The following WDR55 variants were observed in gnomAD, a reference collection of about 807,000 sequenced individuals.
WDR55 encodes WD repeat domain 55, also known as WD repeat-containing protein 55.
A neutral mutation model predicts 34.0 loss-of-function variants in WDR55; 31 were observed. The ratio of observed to expected loss-of-function variants is 0.91; its 90% CI spans 0.69 to 1.23. The LOEUF (loss-of-function observed/expected upper bound fraction) is 1.23. Among genes scored for constraint, WDR55 ranks in the 50% most tolerant of loss-of-function variants. The pLI is 0.00. For synonymous variants in WDR55, 164 were observed against 185.9 expected (o/e 0.88, Z 0.96); for missense variants, 440 against 494.6 (o/e 0.89, Z 1.05).
chr5:140,671,632 G>A lies in WDR55; in HGVS notation c.*1978G>A, dbSNP rs763672102. 4 of 1,576,620 alleles carry A rather than the reference G, an allele frequency of 2.5e-6. No homozygotes were observed. The South Asian group carries it at 4.6e-5, about 18-fold the overall frequency. On this transcript the variant is annotated 3_prime_UTR_variant, in exon 7 of 7. Coordinates refer to ENST00000358337, the MANE Select transcript of WDR55 (RefSeq NM_017706.5). ...ACTTGTCCCTTGCCAAAGCCAACTGGCTGCCCTCTGGCTGTGGGGACCGCA... is the reference window on the plus strand; with the variant it reads ...ACTTGTCCCTTGCCAAAGCCAACTGACTGCCCTCTGGCTGTGGGGACCGCA...
At chr5:140,665,655 A>T (rs1757903812) in intron 1 of WDR55, among the ~76,000 whole-genome samples, 1 of 151,578 alleles carries the variant, frequency 6.6e-6, no homozygotes. Context: ...CCGTGCCCGG[A>T]CTCCTACCGG....
chr5:140,664,997 C>G lies in WDR55; in HGVS notation c.85C>G (p.Arg29Gly), dbSNP rs768137434. The stretch of plus-strand genomic sequence containing the variant: ...CTCCATGGAAGCCCCAACCCGGATC[C>G]GGGACACTCCGGAAGACATCGTGCT... ...PDSMEAPTRI[R>G]DTPEDIVLEA... The change falls in exon 1 of 7, where the codon CGG becomes GGG. Residue 29 changes from arginine to glycine, a missense_variant. Arg to Gly is a moderately radical substitution (Grantham distance 125). Transcript: ENST00000358337. 1 of 1,613,832 alleles carries G rather than the reference C, an allele frequency of 6.2e-7. No individual in the cohort carries two copies. The highest frequency in any genetic ancestry group is 1.1e-5 in the South Asian group (1 of 91,024).
At position 140,671,224 on chromosome 5, in the gene WDR55, GC is replaced by G. The variant is rs1758064689; in HGVS notation, c.*1572del. The stretch of plus-strand genomic sequence containing the variant: ...TGGGGGTCAGAAAGTGGCCACCCAG[GC>G]CTGCTGGGATGGGGCCTGACACAGG... On this transcript the variant is annotated 3_prime_UTR_variant, in exon 7 of 7. Coordinates refer to ENST00000358337, the MANE Select transcript of WDR55 (RefSeq NM_017706.5). The G allele has an allele frequency of 6.2e-7, 1 of 1,600,900 alleles. No individual in the cohort carries two copies.
intron 1 of WDR55, chr5:140,667,304 G>C (rs928424000): frequency 3.4e-6 from 1 of 293,728 alleles, no homozygotes; most frequent in Non-Finnish European, 5.1e-6. Flanking sequence ...TTCCTTTTCC[G>C]AGGATTAAAT....
At position 140,670,345 on chromosome 5, in the gene WDR55, AT is replaced by A. The variant is rs1278137395; in HGVS notation, c.*711del. The A allele has an allele frequency of 0.018, 2,363 of 131,588 alleles. 16 individuals carry two copies. The highest frequency in any genetic ancestry group is 0.025 in the Non-Finnish European group (1,521 of 62,042). 8.2% of individuals were successfully genotyped at this position (131,588 alleles called of 1,614,324 possible). On this transcript the variant is annotated 3_prime_UTR_variant, in exon 7 of 7. Coordinates refer to ENST00000358337, the MANE Select transcript of WDR55 (RefSeq NM_017706.5). Reference sequence around the variant, plus strand: ...GCCACTGTGCCTGGCTGGATATGAAATTTTTTTTTTTTTTTTTTTTGAGACA... The same window carrying A: ...GCCACTGTGCCTGGCTGGATATGAAATTTTTTTTTTTTTTTTTTTGAGACA...
At chr5:140,666,867 T>C (rs1757937301) in intron 1 of WDR55, 1 of 960,100 alleles carries the variant, frequency 1.0e-6, no homozygotes, top group Non-Finnish European at 1.2e-6. Context: ...CTCCAACCTC[T>C]AGTCTAGGGT....
At position 140,664,925 on chromosome 5, in the gene WDR55, T is replaced by C. The variant is rs746803373; in HGVS notation, c.13T>C (p.Cys5Arg). 1.9e-6 allele frequency: 3 copies of C among 1,605,578 alleles called. No homozygotes were observed. The highest frequency in any genetic ancestry group is 2.6e-6 in the Non-Finnish European group (3 of 1,176,370). Residue 5 changes from cysteine (C) to arginine (R), a missense_variant, in exon 1 of 7, where the codon TGT (cysteine) becomes CGT (arginine). Transcript: ENST00000358337. ...AGTCCTTCTCAGCATGGACCGCACT[T>C]GTGAGGAGAGGCCCGCTGAGGATGG... Reference protein sequence around the residue: MDRTCEERPAEDGSD... With the variant: MDRTREERPAEDGSD...
chr5:140,665,211 C>A, intron 1 of WDR55, 108 bp downstream of exon 1: 1 of 970,096 alleles, frequency 1.0e-6, no homozygotes, highest in Admixed American at 2.9e-5. Context: ...TTGCAAGATT[C>A]TTTGGGTCCA....
At position 140,668,612 on chromosome 5, in the gene WDR55, T is replaced by C. The variant is rs1314355690; in HGVS notation, c.381T>C (p.Gly127=). 6.2e-7 allele frequency: 1 copy of C among 1,613,214 alleles called. No individual in the cohort carries two copies. Among genetic ancestry groups the C allele is most frequent in the East Asian group, 2.2e-5 (1 of 44,872 alleles). ...AGAAGTTCTACATCTGTGTCTCTAGTGCCCCCATCAATAGTCTTCTGCTGG... is the reference window on the plus strand; with the variant it reads ...AGAAGTTCTACATCTGTGTCTCTAGCGCCCCCATCAATAGTCTTCTGCTGG... ...QLERRVSKAH[G]APINSLLLVD... The change falls in exon 4 of 7, where the codon GGT becomes GGC. Residue 127 remains glycine, a splice_region_variant and synonymous_variant. Coordinates refer to ENST00000358337, the MANE Select transcript of WDR55 (RefSeq NM_017706.5).
chr5:140,667,273 G>A, intron 1 of WDR55: 1 of 441,544 alleles, frequency 2.3e-6, no homozygotes, highest in Non-Finnish European at 3.0e-6. Context: ...CCCACCCTCA[G>A]CCATGACTAT....
Position 140,669,496 on chromosome 5 carries a change from G to T in WDR55, c.994G>T (p.Val332Leu), listed in dbSNP as rs1362852944. 6.2e-7 allele frequency: 1 copy of T among 1,614,154 alleles called. No homozygotes were observed. Among genetic ancestry groups the T allele is most frequent in the Middle Eastern group, 1.6e-4 (1 of 6,062 alleles). The change falls in exon 7 of 7, where the codon GTG (valine) becomes TTG (leucine). Residue 332 changes from valine to leucine, a missense_variant. Val to Leu is a conservative substitution (Grantham distance 32). Transcript: ENST00000358337. ...CATGGCCCAGCTGCGAGCTGTGGTG[G>T]TGGATGACTACCGTCGGCGCAAAAA... ...WDMAQLRAVV[V>L]DDYRRRKKKG...
At chr5:140,666,850 A>G (rs2563311) in intron 1 of WDR55, 206,301 of 984,732 alleles carry the variant, frequency 0.21, 21,754 homozygotes, top group African/African-American at 0.22. Context: ...TTTGTTCTCT[A>G]TTTTATCTCC....
rs1184055187 is a variant in WDR55, at chr5:140,671,660, A to T, written c.*2006A>T. 2 of 1,582,748 alleles carry T rather than the reference A, an allele frequency of 1.3e-6. No individual in the cohort carries two copies. The highest frequency in any genetic ancestry group is 1.7e-6 in the Non-Finnish European group (2 of 1,164,658). On this transcript the variant is annotated 3_prime_UTR_variant, in exon 7 of 7. Coordinates refer to ENST00000358337, the MANE Select transcript of WDR55 (RefSeq NM_017706.5). ...GCCCTCTGGCTGTGGGGACCGCAAGAAGGGACCCACAAGCTGCTGGCGAAG... is the reference window on the plus strand; with the variant it reads ...GCCCTCTGGCTGTGGGGACCGCAAGTAGGGACCCACAAGCTGCTGGCGAAG...
Position 140,668,641 on chromosome 5 carries a change from A to G in WDR55, c.410A>G (p.Asp137Gly). Residue 137 changes from aspartate to glycine, a missense_variant, in exon 4 of 7, where the codon GAT becomes GGT. Physicochemically the swap from Asp to Gly is moderately conservative, Grantham distance 94. Coordinates refer to ENST00000358337, the MANE Select transcript of WDR55 (RefSeq NM_017706.5). Reference sequence around the variant, plus strand: ...CCCATCAATAGTCTTCTGCTGGTGGATGAGAATGTTCTGGCCACTGGGGAT... The same window carrying G: ...CCCATCAATAGTCTTCTGCTGGTGGGTGAGAATGTTCTGGCCACTGGGGAT... The part of the protein sequence containing the change: ...GAPINSLLLV[D>G]ENVLATGDDT... 6.2e-7 allele frequency: 1 copy of G among 1,613,990 alleles called. No individual in the cohort carries two copies. Among genetic ancestry groups the G allele is most frequent in the Non-Finnish European group, 8.5e-7 (1 of 1,179,924 alleles).
At chr5:140,666,888 C>T (rs1283214719) in intron 1 of WDR55, 24 of 985,174 alleles carry the variant, frequency 2.4e-5, no homozygotes, top group African/African-American at 5.2e-5. Context: ...AGATGCTCAA[C>T]ACATGTTTGA....
intron 1 of WDR55, among the ~76,000 whole-genome samples, chr5:140,665,871 C>T (rs1204887332): frequency 7.0e-6 from 1 of 143,324 alleles, no homozygotes; most frequent in Admixed American, 7.0e-5. Flanking sequence ...TGTGGTGGCG[C>T]GGGCCTGTAA....
chr5:140,669,134 G>A lies in WDR55; in HGVS notation c.716G>A (p.Trp239Ter). 1 of 1,614,138 alleles carries A rather than the reference G, an allele frequency of 6.2e-7. No individual in the cohort carries two copies. The change falls in exon 6 of 7, where the codon TGG (tryptophan) becomes TAG (stop). Residue 239 changes from tryptophan (W) to a stop codon, truncating the protein, a stop_gained. Coordinates refer to ENST00000358337, the MANE Select transcript of WDR55 (RefSeq NM_017706.5). LOFTEE classifies it high-confidence loss of function. ...GAAGGTACCATCTACCTCTTCAATTGGAATGGCTTTGGGGCCACAAGTGAC... is the reference window on the plus strand; with the variant it reads ...GAAGGTACCATCTACCTCTTCAATTAGAATGGCTTTGGGGCCACAAGTGAC... ...SSEGTIYLFN[W>*]NGFGATSDRF...
chr5:140,669,780 T>C lies in WDR55; in HGVS notation c.*126T>C, dbSNP rs1758027851. On this transcript the variant is annotated 3_prime_UTR_variant, in exon 7 of 7. Coordinates refer to ENST00000358337, the MANE Select transcript of WDR55 (RefSeq NM_017706.5). ...GGTTTTGCCATCGTCCAGGCTGGAG[T>C]GCGCTGGCTTGATCTTGGCTCACTG... 3 of 980,708 alleles carry C rather than the reference T, an allele frequency of 3.1e-6. No individual in the cohort carries two copies. Among genetic ancestry groups the C allele is most frequent in the Non-Finnish European group, 4.5e-6 (3 of 671,282 alleles). The allele number at this position is 980,708 out of a possible 1,614,324, so 60.8% of individuals were successfully genotyped here. A position where few individuals can be genotyped will look rare whatever the true frequency, so the allele number is the denominator to read the frequency against.
chr5:140,671,852 C>G lies in WDR55; in HGVS notation c.*2198C>G, dbSNP rs1758085136. 7.7e-7 allele frequency: 1 copy of G among 1,299,388 alleles called. No individual in the cohort carries two copies. Among genetic ancestry groups the G allele is most frequent in the African/African-American group, 1.5e-5 (1 of 68,274 alleles). The allele number at this position is 1,299,388 out of a possible 1,614,324, so 80.5% of individuals were successfully genotyped here. A position where few individuals can be genotyped will look rare whatever the true frequency, so the allele number is the denominator to read the frequency against. The stretch of plus-strand genomic sequence containing the variant: ...ACACAGTCCTGTTATTTGTAGCCTT[C>G]CCATTTCCTGGTAGTGTGACCATGG... On this transcript the variant is annotated 3_prime_UTR_variant, in exon 7 of 7. Coordinates refer to ENST00000358337, the MANE Select transcript of WDR55 (RefSeq NM_017706.5).
Sources: allele counts gnomAD v4.1 joint callset (sites outside exome capture counted in the v4.1 genomes callset), GRCh38; gene constraint gnomAD v4.1.1; transcripts MANE v1.5; gene names NCBI Gene and HGNC (gene_info 2026-07-23, HGNC 2026-07-21).